Variants in CDC14A observed in about 807,000 individuals in gnomAD.
CDC14A encodes the protein dual specificity protein phosphatase CDC14A.
In CDC14A, 53 loss-of-function variants were observed where a neutral mutation model predicts 74.4. The ratio of observed to expected loss-of-function variants is 0.71; its 90% CI spans 0.57 to 0.89. The LOEUF is 0.89. CDC14A is among the 40% of genes least tolerant of loss of function. CDC14A has a pLI of 0.00. For synonymous variants in CDC14A, 247 were observed against 258.4 expected (o/e 0.96, Z 0.43); for missense variants, 646 against 713.7 (o/e 0.91, Z 1.08).
upstream of CDC14A, chr1:100,351,556 CTA>C: frequency 1.7e-6 from 1 of 605,364 alleles, no homozygotes; most frequent in East Asian, 2.7e-5. Context: ...TCAGCTGAGA[CTA>C]TGTAAAGAAA....
intron 10 of CDC14A, among the ~76,000 whole-genome samples, chr1:100,478,990 C>T (rs1571299681): frequency 2.0e-5 from 3 of 152,210 alleles, no homozygotes; most frequent in Admixed American, 2.0e-4. Flanking sequence ...GCTGCTGGTC[C>T]CTGAACCATA....
chr1:100,374,215 T>A (rs34784831), intron 2 of CDC14A, among the ~76,000 whole-genome samples: 6,508 of 152,246 alleles, frequency 0.043, 492 homozygotes, highest in African/African-American at 0.15. Flanking sequence ...TTGTTGGACA[T>A]TTGGGTTGGT....
chr1:100,349,780 G>C (rs1263922601), upstream of CDC14A, among the ~76,000 whole-genome samples: 1 of 151,460 alleles, frequency 6.6e-6, no homozygotes, highest in African/African-American at 2.4e-5. Flanking sequence ...CTCCCGCCTC[G>C]GCCTCATGAG....
chr1:100,353,369 G>T (rs1284027687), intron 1 of CDC14A, among the ~76,000 whole-genome samples: 1 of 152,074 alleles, frequency 6.6e-6, no homozygotes, highest in Non-Finnish European at 1.5e-5. Context: ...CACCCCCCAA[G>T]TCTCTCTCCC....
chr1:100,473,394 C>CT (rs1053499630), intron 10 of CDC14A, among the ~76,000 whole-genome samples: 4 of 150,422 alleles, frequency 2.7e-5, no homozygotes, highest in South Asian at 2.1e-4. Context: ...TTCTTTCTTT[C>CT]TTTTTTTTTG....
At chr1:100,421,619 A>G (rs1475152662) in intron 4 of CDC14A, among the ~76,000 whole-genome samples, 1 of 152,188 alleles carries the variant, frequency 6.6e-6, no homozygotes, top group Non-Finnish European at 1.5e-5. Context: ...ATGGAATGAA[A>G]TGGCATTTAG....
In CDC14A at chr1:100,479,352, C is replaced by T. The variant is rs573205448; in HGVS notation, c.978-4940C>T. Among the ~76,000 whole-genome samples the T allele has an allele frequency of 4.3e-4, 66 of 152,156 alleles. 2 individuals carry two copies. The South Asian group carries it at 0.012, about 28-fold the overall frequency. ...TGGATGAATTGTATAGCATGAACTC[C>T]GAGATTTTAGTGCACCCATCACCTA... is the stretch of plus-strand genomic sequence containing the variant. On this transcript the variant is annotated intron_variant, in intron 10 of 15. Coordinates refer to ENST00000336454, the MANE Select transcript of CDC14A (RefSeq NM_003672.4).
chr1:100,505,674 T>C (rs796600547), intron 15 of CDC14A, among the ~76,000 whole-genome samples: 30 of 152,342 alleles, frequency 2.0e-4, no homozygotes, highest in African/African-American at 6.7e-4. Flanking sequence ...TATCAACTTG[T>C]TGTCTTTTCC....
upstream of CDC14A, among the ~76,000 whole-genome samples, chr1:100,350,393 C>T (rs371643298): frequency 1.3e-5 from 2 of 152,296 alleles, no homozygotes; most frequent in East Asian, 3.9e-4. Flanking sequence ...ATGACCAGCC[C>T]CATGCAATAT....
rs1226966978 is a variant in CDC14A at position 100,439,991 on chromosome 1, T to C, written c.449T>C (p.Ile150Thr). 1 of 1,611,544 alleles carries C rather than the reference T, an allele frequency of 6.2e-7. No individual in the cohort carries two copies. Among genetic ancestry groups the C allele is most frequent in the South Asian group, 1.1e-5 (1 of 91,022 alleles). Residue 150 changes from isoleucine to threonine, a missense_variant, in exon 6 of 16, where the codon ATC (isoleucine) becomes ACC (threonine). By Grantham distance (89) the Ile-to-Thr change is moderately conservative. Coordinates refer to ENST00000336454, the MANE Select transcript of CDC14A (RefSeq NM_003672.4). ...ACCATTCTCGACTGTTTGCAGGGAA[T>C]CAGAAAGGTAATAACAATTCTCCTT... ...NLTILDCLQG[I>T]RKGLQHGFFD...
At chr1:100,451,053 C>T (rs1666090780) in intron 7 of CDC14A, among the ~76,000 whole-genome samples, 1 of 152,212 alleles carries the variant, frequency 6.6e-6, no homozygotes, top group African/African-American at 2.4e-5. Context: ...CTCTCAAATC[C>T]TTTCTCTTCC....
At chr1:100,437,559 G>A (rs755824510) in intron 5 of CDC14A, among the ~76,000 whole-genome samples, 12 of 152,158 alleles carry the variant, frequency 7.9e-5, no homozygotes, top group Non-Finnish European at 1.6e-4. Flanking sequence ...AAACTTCTCT[G>A]TGCCTTTTCA....
Position 100,508,737 on chromosome 1 carries a change from T to TG in CDC14A, c.1755+9476dup, listed in dbSNP as rs375723008. On this transcript the variant is annotated intron_variant, in intron 15 of 15. Transcript: ENST00000336454. The surrounding 1 kb of genome is among the most constrained non-coding windows in gnomAD (Gnocchi z 4.4). ...ATGTGGGAGAGCCTGACTCCACCCC[T>TG]GATTTCAGGCCAGGGGCTTTCGACC... Among the ~76,000 whole-genome samples, 1 of 152,174 alleles carries TG rather than the reference T, an allele frequency of 6.6e-6. No individual in the cohort carries two copies. The highest frequency in any genetic ancestry group is 2.4e-5 in the African/African-American group (1 of 41,444).
At chr1:100,383,587 A>AT (rs1022216199) in intron 3 of CDC14A, 2 of 152,544 alleles carry the variant, frequency 1.3e-5, no homozygotes, top group African/African-American at 4.8e-5. Flanking sequence ...ATGACCACTG[A>AT]TTGCTATGGA....
chr1:100,460,078 G>T lies in CDC14A; in HGVS notation c.608-2573G>T, dbSNP rs377409755. ...TACCTCTTACTAGCTGTATGTGTAC[G>T]GGCCAGCTTTTCCAGGCACCAGAAA... is the stretch of plus-strand genomic sequence containing the variant. On this transcript the variant is annotated intron_variant, in intron 8 of 15. Coordinates refer to ENST00000336454, the MANE Select transcript of CDC14A (RefSeq NM_003672.4). 7.9e-5 allele frequency among the ~76,000 whole-genome samples: 12 copies of T among 152,242 alleles called. No homozygotes were observed. In the South Asian group the frequency reaches 1.9e-3, roughly 24 times the overall value.
intron 14 of CDC14A, among the ~76,000 whole-genome samples, chr1:100,498,720 A>C (rs944825273): frequency 6.6e-6 from 1 of 152,174 alleles, no homozygotes; most frequent in Admixed American, 6.5e-5. Flanking sequence ...ACTGCTTTTG[A>C]CAAAGCAACT....
chr1:100,435,092 C>T (rs1313525409), intron 5 of CDC14A, among the ~76,000 whole-genome samples: 1 of 152,206 alleles, frequency 6.6e-6, no homozygotes, highest in African/African-American at 2.4e-5. Flanking sequence ...GATGCCAATA[C>T]ACACTAAAGT....
chr1:100,403,235 CAA>C (rs1434081646), intron 4 of CDC14A, among the ~76,000 whole-genome samples: 2 of 152,154 alleles, frequency 1.3e-5, no homozygotes, highest in South Asian at 2.1e-4. Context: ...ATAATTGAAA[CAA>C]GAGGTTCATG....
At chr1:100,494,156 T>A (rs1647422801) in intron 11 of CDC14A, among the ~76,000 whole-genome samples, 1 of 152,194 alleles carries the variant, frequency 6.6e-6, no homozygotes, top group Non-Finnish European at 1.5e-5. Flanking sequence ...TCCATGAGTA[T>A]GTCCTTTTTT....
Sources: allele counts gnomAD v4.1 joint callset (sites outside exome capture counted in the v4.1 genomes callset), GRCh38; gene constraint gnomAD v4.1.1; non-coding constraint Gnocchi (gnomAD v3.1); transcripts MANE v1.5; gene names NCBI Gene and HGNC (gene_info 2026-07-23, HGNC 2026-07-21).